The following GPC5 variants were observed in gnomAD, a reference collection of about 807,000 sequenced individuals.
The protein encoded by GPC5 is glypican-5.
A neutral mutation model predicts 53.9 loss-of-function variants in GPC5; 47 were observed. The ratio of observed to expected loss-of-function variants is 0.87; its 90% CI spans 0.69 to 1.11. GPC5 has a LOEUF of 1.11. Among genes scored for constraint, GPC5 ranks in the 50% most tolerant of loss-of-function variants. The pLI is 0.00. For missense variants in GPC5, 748 were observed against 713.1 expected (o/e 1.05, Z -0.56); for synonymous variants, 286 against 263.3 (o/e 1.09, Z -0.84).
At chr13:91,947,312 C>G (rs954517286) in intron 6 of GPC5, among the ~76,000 whole-genome samples, 1 of 152,102 alleles carries the variant, frequency 6.6e-6, no homozygotes, top group African/African-American at 2.4e-5. Context: ...ACAGCATTTC[C>G]TAGGTTTAGA....
chr13:92,722,004 T>C (rs1888521142), intron 7 of GPC5, among the ~76,000 whole-genome samples: 1 of 152,034 alleles, frequency 6.6e-6, no homozygotes, highest in African/African-American at 2.4e-5. Flanking sequence ...TGGCACCCTA[T>C]TGTCTTTTCT....
Position 92,608,043 on chromosome 13 carries a change from GCTTA to G in GPC5, c.1562-258235_1562-258232del, listed in dbSNP as rs575841668. On this transcript the variant is annotated intron_variant, in intron 7 of 7. Coordinates refer to ENST00000377067, the MANE Select transcript of GPC5 (RefSeq NM_004466.6). ...TCTTAATAACATTTTCTTTTCTCTA[GCTTA>G]CTTTATTGTAAGAACACTGTAGATA... 1.6e-3 allele frequency among the ~76,000 whole-genome samples: 240 copies of G among 152,084 alleles called. 1 individual carries two copies. The highest frequency in any genetic ancestry group is 5.7e-3 in the African/African-American group (236 of 41,476).
chr13:91,740,687 A>G (rs1379602557), intron 4 of GPC5, among the ~76,000 whole-genome samples: 10 of 152,178 alleles, frequency 6.6e-5, no homozygotes, highest in Admixed American at 6.6e-4. Flanking sequence ...GCTCCTTTAA[A>G]CAGCCAGCAA....
intron 3 of GPC5, among the ~76,000 whole-genome samples, chr13:91,700,046 G>T (rs936769661): frequency 3.3e-5 from 5 of 152,116 alleles, no homozygotes; most frequent in Non-Finnish European, 7.4e-5. Flanking sequence ...CTCTGTTGAG[G>T]TAGTTCTGTG....
chr13:92,287,241 C>G (rs1158615058), intron 7 of GPC5, among the ~76,000 whole-genome samples: 1 of 152,144 alleles, frequency 6.6e-6, no homozygotes, highest in Non-Finnish European at 1.5e-5. Flanking sequence ...TAGTTTCTGT[C>G]TTTAAACATA....
In GPC5 at chr13:91,756,431, T is replaced by A; in HGVS notation, c.1280+11T>A. On this transcript the variant is annotated intron_variant, in intron 5 of 7. Coordinates refer to ENST00000377067, the MANE Select transcript of GPC5 (RefSeq NM_004466.6). Reference sequence around the variant, plus strand: ...AGATATAGTAAAAAGGTATTTTATGTGGTCTGTGAAAACCTACTAGTTACA... The same window carrying A: ...AGATATAGTAAAAAGGTATTTTATGAGGTCTGTGAAAACCTACTAGTTACA... 1 of 1,561,696 alleles carries A rather than the reference T, an allele frequency of 6.4e-7. No individual in the cohort carries two copies. Among genetic ancestry groups the A allele is most frequent in the Non-Finnish European group, 8.7e-7 (1 of 1,144,064 alleles).
At chr13:92,434,374 A>C (rs767356992) in intron 7 of GPC5, among the ~76,000 whole-genome samples, 10 of 152,212 alleles carry the variant, frequency 6.6e-5, no homozygotes, top group Non-Finnish European at 5.9e-5. Context: ...ATAATTTTTA[A>C]AGTCCCATTG....
At chr13:92,212,485 A>G (rs1259870585) in intron 7 of GPC5, among the ~76,000 whole-genome samples, 1 of 152,214 alleles carries the variant, frequency 6.6e-6, no homozygotes, top group Non-Finnish European at 1.5e-5. Context: ...GAACTCTTCC[A>G]TTGCTTAAGA....
intron 2 of GPC5, among the ~76,000 whole-genome samples, chr13:91,536,748 A>T (rs1886609177): frequency 6.6e-6 from 1 of 152,192 alleles, no homozygotes; most frequent in African/African-American, 2.4e-5. Flanking sequence ...CATTTTAACT[A>T]GATTGCCTTT....
At chr13:92,492,576 T>G (rs968959835) in intron 7 of GPC5, among the ~76,000 whole-genome samples, 2 of 152,030 alleles carry the variant, frequency 1.3e-5, no homozygotes, top group African/African-American at 4.8e-5. Flanking sequence ...AACACATTAA[T>G]TTTCTTAAGA....
chr13:91,851,446 T>C (rs1215683790), intron 5 of GPC5, among the ~76,000 whole-genome samples: 1 of 152,148 alleles, frequency 6.6e-6, no homozygotes, highest in Non-Finnish European at 1.5e-5. Context: ...TACACTACTG[T>C]AGACTTTATA....
At chr13:91,633,043 T>G (rs1042567165) in intron 2 of GPC5, among the ~76,000 whole-genome samples, 6 of 152,124 alleles carry the variant, frequency 3.9e-5, no homozygotes, top group African/African-American at 1.4e-4. Flanking sequence ...CATCAAGAAG[T>G]TTTGATTATG....
chr13:92,174,355 A>C (rs1484505295), intron 7 of GPC5, among the ~76,000 whole-genome samples: 4 of 138,928 alleles, frequency 2.9e-5, no homozygotes, highest in Non-Finnish European at 6.1e-5. Flanking sequence ...CCCTGTCTCT[A>C]CTAAAAACAC....
intron 7 of GPC5, among the ~76,000 whole-genome samples, chr13:92,281,192 G>T (rs930577485): frequency 5.3e-5 from 8 of 152,310 alleles, no homozygotes; most frequent in African/African-American, 1.9e-4. Context: ...CGTCAGCAAG[G>T]CTGGGGTAGG....
In GPC5 at chr13:92,854,336, A is replaced by G. The variant is rs966656023; in HGVS notation, c.1562-11946A>G. 2.7e-5 allele frequency among the ~76,000 whole-genome samples: 4 copies of G among 148,162 alleles called. No homozygotes were observed. In the South Asian group the frequency reaches 8.4e-4, roughly 31 times the overall value. On this transcript the variant is annotated intron_variant, in intron 7 of 7. Coordinates refer to ENST00000377067, the MANE Select transcript of GPC5 (RefSeq NM_004466.6). Reference sequence around the variant, plus strand: ...AATATATATAGATTACCCCAACTGTAGTGATGTTATCTATGAATATATATA... The same window carrying G: ...AATATATATAGATTACCCCAACTGTGGTGATGTTATCTATGAATATATATA...
At chr13:91,941,359 T>C (rs1380450784) in intron 6 of GPC5, among the ~76,000 whole-genome samples, 1 of 152,078 alleles carries the variant, frequency 6.6e-6, no homozygotes, top group African/African-American at 2.4e-5. Flanking sequence ...TTTTATTTTT[T>C]GACATGATTA....
At position 91,756,450 on chromosome 13, in the gene GPC5, A is replaced by T. The variant is rs750057478; in HGVS notation, c.1280+30A>T. 47 of 1,530,644 alleles carry T rather than the reference A, an allele frequency of 3.1e-5. 1 individual carries two copies. The highest frequency in any genetic ancestry group is 3.5e-4 in the Middle Eastern group (2 of 5,696). 94.8% of individuals were successfully genotyped at this position (1,530,644 alleles called of 1,614,324 possible). A position where few individuals can be genotyped will look rare whatever the true frequency, so the allele number is the denominator to read the frequency against. ...TTTATGTGGTCTGTGAAAACCTACT[A>T]GTTACATCATCCTTGCTTTCTTTTT... On this transcript the variant is annotated intron_variant, in intron 5 of 7. Transcript: ENST00000377067.
chr13:92,466,576 T>C (rs545926827), intron 7 of GPC5, among the ~76,000 whole-genome samples: 2 of 152,126 alleles, frequency 1.3e-5, no homozygotes, highest in East Asian at 3.8e-4. Context: ...AAAATTCTTA[T>C]GGAAGCACTA....
chr13:91,769,556 T>C (rs2037584183), intron 5 of GPC5, among the ~76,000 whole-genome samples: 1 of 152,096 alleles, frequency 6.6e-6, no homozygotes, highest in African/African-American at 2.4e-5. Context: ...AGATCTGAAT[T>C]TTCCAAGTAG....
Sources: gnomAD v4.1 joint callset for allele counts (sites outside exome capture counted in the v4.1 genomes callset) on GRCh38, gnomAD v4.1.1 for gene constraint, MANE v1.5 for transcripts, NCBI Gene and HGNC (gene_info 2026-07-23, HGNC 2026-07-21) for gene names.